Variants in CSMD1 observed in about 807,000 individuals in gnomAD.
CSMD1 encodes CUB and sushi domain-containing protein 1.
In CSMD1, 213 loss-of-function variants were observed where a neutral mutation model predicts 417.5. The observed-to-expected ratio is 0.51, with a 90% confidence interval of 0.46 to 0.57. CSMD1 has a LOEUF of 0.57. Among genes scored for constraint, CSMD1 ranks in the 20% least tolerant of loss-of-function variants. CSMD1 has a pLI of 0.00. For synonymous variants in CSMD1, 2,862 were observed against 1,736.8 expected, an observed-to-expected ratio of 1.65 and a Z score of -16.11; for missense variants, 6,923 against 4,529.7, an observed-to-expected ratio of 1.53 and a Z score of -15.17.
At chr8:3,366,701 G>C (rs546548399) in intron 20 of CSMD1, among the ~76,000 whole-genome samples, 10 of 152,254 alleles carry the variant, frequency 6.6e-5, no homozygotes, top group Non-Finnish European at 1.2e-4. Context: ...CCCAATAAAG[G>C]AACTTTCCTC....
chr8:4,257,184 G>C (rs1803519207), intron 3 of CSMD1, among the ~76,000 whole-genome samples: 1 of 114,616 alleles, frequency 8.7e-6, no homozygotes, highest in Non-Finnish European at 1.8e-5. Flanking sequence ...TATAAATTAT[G>C]GTACTACATT....
chr8:4,044,569 C>G (rs970234218), intron 3 of CSMD1, among the ~76,000 whole-genome samples: 2 of 152,192 alleles, frequency 1.3e-5, no homozygotes, highest in African/African-American at 4.8e-5. Context: ...CGGCAGAGCT[C>G]GGTCACCGGA....
At chr8:3,506,668 G>C (rs1207968170) in intron 10 of CSMD1, among the ~76,000 whole-genome samples, 6 of 152,078 alleles carry the variant, frequency 3.9e-5, no homozygotes, top group Non-Finnish European at 8.8e-5. Context: ...TAAGTTTCTG[G>C]AATAAATAAA....
chr8:4,874,388 A>ATTTTTTTTTTTTTTTTTTTTTTTTT (rs3038302), intron 1 of CSMD1, among the ~76,000 whole-genome samples: 1 of 133,528 alleles, frequency 7.5e-6, no homozygotes. Context: ...ATCCGATTGT[A>ATTTTTTTTTTTTTTTTTTTTTTTTT]TTTTTTTTTT....
At chr8:4,753,920 G>T (rs879638869) in intron 1 of CSMD1, among the ~76,000 whole-genome samples, 10 of 152,134 alleles carry the variant, frequency 6.6e-5, no homozygotes, top group Admixed American at 6.5e-4. Flanking sequence ...TCTGTTACCA[G>T]CACATGCGAG....
chr8:4,199,428 G>A (rs953739011), intron 3 of CSMD1, among the ~76,000 whole-genome samples: 56 of 152,136 alleles, frequency 3.7e-4, no homozygotes, highest in Non-Finnish European at 2.4e-4. Flanking sequence ...TAGCTGTCAA[G>A]TCATGTAAGT....
intron 5 of CSMD1, among the ~76,000 whole-genome samples, chr8:3,987,880 C>A (rs1237981340): frequency 6.6e-6 from 1 of 152,174 alleles, no homozygotes; most frequent in Admixed American, 6.5e-5. Context: ...ATCTGTTTGG[C>A]ACATTGCAAC....
chr8:4,073,595 G>A (rs1010855789), intron 3 of CSMD1, among the ~76,000 whole-genome samples: 37 of 152,136 alleles, frequency 2.4e-4, no homozygotes, highest in African/African-American at 8.2e-4. Context: ...TCACTTTTCA[G>A]TATTGAGATA....
At chr8:4,612,677 A>G (rs1018226990) in intron 2 of CSMD1, among the ~76,000 whole-genome samples, 1 of 151,562 alleles carries the variant, frequency 6.6e-6, no homozygotes, top group East Asian at 1.9e-4. Flanking sequence ...TGCCACCCAA[A>G]CCTCACGCCA....
chr8:4,001,816 G>A (rs961670975), intron 4 of CSMD1, among the ~76,000 whole-genome samples: 1 of 151,894 alleles, frequency 6.6e-6, no homozygotes, highest in Non-Finnish European at 1.5e-5. Context: ...ACTTTGTTGG[G>A]AAAGGAGTAG....
At chr8:4,459,226 G>T (rs982243133) in intron 2 of CSMD1, among the ~76,000 whole-genome samples, 1 of 152,192 alleles carries the variant, frequency 6.6e-6, no homozygotes, top group Non-Finnish European at 1.5e-5. Flanking sequence ...CTATGTAGGA[G>T]GTATGGGAGG....
At chr8:4,733,240 G>A (rs1810017569) in intron 1 of CSMD1, among the ~76,000 whole-genome samples, 1 of 152,058 alleles carries the variant, frequency 6.6e-6, no homozygotes, top group Admixed American at 6.5e-5. Context: ...TTCATTTCCT[G>A]AACCCTAGTA....
chr8:4,000,966 C>G (rs537845844), intron 4 of CSMD1, among the ~76,000 whole-genome samples: 25 of 151,954 alleles, frequency 1.6e-4, no homozygotes, highest in African/African-American at 5.1e-4. Context: ...TAATTGAAAT[C>G]CAACTGCTGA....
At chr8:3,838,349 G>A (rs6987970) in intron 5 of CSMD1, among the ~76,000 whole-genome samples, 53,523 of 151,310 alleles carry the variant, frequency 0.35, 10,002 homozygotes, top group African/African-American at 0.47. Context: ...CAGCCTGGGT[G>A]ATGTCGTGAG....
intron 5 of CSMD1, among the ~76,000 whole-genome samples, chr8:3,789,726 A>ATTT (rs55917452): frequency 2.0e-4 from 20 of 101,116 alleles, no homozygotes; most frequent in African/African-American, 6.0e-4. Context: ...ATCATGGTTA[A>ATTT]TTTTTTTTTT....
chr8:4,503,792 A>C (rs905298969), intron 2 of CSMD1, among the ~76,000 whole-genome samples: 1 of 152,120 alleles, frequency 6.6e-6, no homozygotes, highest in African/African-American at 2.4e-5. Context: ...CACTGTGACA[A>C]TGTGAATTAT....
chr8:4,826,436 G>A (rs1414303075), intron 1 of CSMD1, among the ~76,000 whole-genome samples: 1 of 152,104 alleles, frequency 6.6e-6, no homozygotes, highest in Non-Finnish European at 1.5e-5. Context: ...ACTGAAATAA[G>A]CTAGTCACAG....
chr8:4,477,186 C>T (rs190334943), intron 2 of CSMD1, among the ~76,000 whole-genome samples: 1 of 152,350 alleles, frequency 6.6e-6, no homozygotes, highest in East Asian at 1.9e-4. Flanking sequence ...CCTGCGCAGA[C>T]ACCTCCAGCT....
At chr8:3,268,142 C>G (rs1014068231) in intron 26 of CSMD1, among the ~76,000 whole-genome samples, 1 of 152,008 alleles carries the variant, frequency 6.6e-6, no homozygotes, top group Non-Finnish European at 1.5e-5. Flanking sequence ...AATGTATGAA[C>G]TGATATCTGA....
Sources: allele counts gnomAD v4.1 joint callset (sites outside exome capture counted in the v4.1 genomes callset), GRCh38; gene constraint gnomAD v4.1.1; transcripts MANE v1.5; gene names NCBI Gene and HGNC (gene_info 2026-07-23, HGNC 2026-07-21).